Variants in C1QTNF6 observed in about 807,000 individuals in gnomAD.
The protein encoded by C1QTNF6 is C1q and TNF related 6, also known as complement C1q tumor necrosis factor-related protein 6.
In C1QTNF6, 17 loss-of-function variants were observed where a neutral mutation model predicts 20.7. That is an observed-to-expected ratio of 0.82 (90% CI 0.56 to 1.23). The LOEUF (loss-of-function observed/expected upper bound fraction) is 1.23, where lower values mean the gene tolerates loss of function less well. C1QTNF6 is among the 50% of genes most tolerant of loss of function. The pLI, the probability that C1QTNF6 is intolerant of heterozygous loss-of-function variation, is 0.00. For missense variants in C1QTNF6, 329 were observed against 389.7 expected, an observed-to-expected ratio of 0.84 and a Z score of 1.31; for synonymous variants, 130 against 156.3, an observed-to-expected ratio of 0.83 and a Z score of 1.25.
At position 37,184,602 on chromosome 22, in the gene C1QTNF6, C is replaced by T. The variant is rs1440191435; in HGVS notation, c.289+616G>A. Among the ~76,000 whole-genome samples the T allele has an allele frequency of 3.3e-5, 5 of 151,944 alleles. No homozygotes were observed. Among genetic ancestry groups the T allele is most frequent in the African/African-American group, 1.2e-4 (5 of 41,342 alleles). ...GCTGCATGCTCCGACCCTCGGCCCCCGCTGGTTGCTCTCCACATGACATTA... is the reference window on the plus strand; with the variant it reads ...GCTGCATGCTCCGACCCTCGGCCCCTGCTGGTTGCTCTCCACATGACATTA... On this transcript the variant is annotated intron_variant, in intron 2 of 2. Coordinates refer to ENST00000337843, the MANE Select transcript of C1QTNF6 (RefSeq NM_031910.4). This position sits in a 1 kb window ranked among gnomAD's most constrained non-coding sequence, Gnocchi z 4.0.
upstream of C1QTNF6, among the ~76,000 whole-genome samples, chr22:37,188,805 T>C (rs1308766241): frequency 6.6e-6 from 1 of 152,236 alleles, no homozygotes; most frequent in Admixed American, 6.5e-5. Flanking sequence ...GTTGGGTGAA[T>C]GACCAGGCTG....
chr22:37,186,061 A>G (rs765604799), intron 1 of C1QTNF6: 8 of 985,408 alleles, frequency 8.1e-6, no homozygotes, highest in Middle Eastern at 5.2e-4. Context: ...AAAAAAAGAG[A>G]TAAGAGAGTT....
chr22:37,184,736 G>C lies in C1QTNF6; in HGVS notation c.289+482C>G, dbSNP rs1040018643. Among the ~76,000 whole-genome samples the C allele has an allele frequency of 1.7e-4, 26 of 152,122 alleles. No individual in the cohort carries two copies. The highest frequency in any genetic ancestry group is 2.6e-4 in the Non-Finnish European group (18 of 68,000). On this transcript the variant is annotated intron_variant, in intron 2 of 2. Coordinates refer to ENST00000337843, the MANE Select transcript of C1QTNF6 (RefSeq NM_031910.4). This position sits in a 1 kb window ranked among gnomAD's most constrained non-coding sequence, Gnocchi z 4.0. The stretch of plus-strand genomic sequence containing the variant: ...CAAGTCCCTACAGTAGCCGGGTGGT[G>C]ACAGCACCCCATGTGATCTGAGCCT...
upstream of C1QTNF6, among the ~76,000 whole-genome samples, chr22:37,191,219 T>C (rs1252481305): frequency 6.6e-6 from 1 of 152,174 alleles, no homozygotes; most frequent in Non-Finnish European, 1.5e-5. Context: ...ATTAATATCA[T>C]TGACTAGGAA....
chr22:37,192,792 A>C (rs932391153), upstream of C1QTNF6, among the ~76,000 whole-genome samples: 2 of 152,232 alleles, frequency 1.3e-5, no homozygotes, highest in African/African-American at 2.4e-5. Flanking sequence ...ATATAAATAC[A>C]CAGACAGAAG....
intron 1 of C1QTNF6, 57 bp downstream of exon 1, chr22:37,188,106 G>C (rs111465350): frequency 1.3e-6 from 2 of 1,549,392 alleles, no homozygotes; most frequent in Admixed American, 3.7e-5. Flanking sequence ...GGAGGGAGGA[G>C]AGGAATTCCA....
chr22:37,185,454 A>C lies in C1QTNF6; in HGVS notation c.53T>G (p.Val18Gly). ...ACCCAGGGCGGCTGTCCCCATGGTGACCTGGAACAAGGAAGGAGGGACAGG... is the reference window on the plus strand; with the variant it reads ...ACCCAGGGCGGCTGTCCCCATGGTGCCCTGGAACAAGGAAGGAGGGACAGG... ...ESPGEATGHRVTMGTAALGPV... is the reference protein window; with the variant it reads ...ESPGEATGHRGTMGTAALGPV... Residue 18 changes from valine to glycine, a missense_variant and splice_region_variant, in exon 2 of 3, where the codon GTC (valine) becomes GGC (glycine). Coordinates refer to ENST00000337843, the MANE Select transcript of C1QTNF6 (RefSeq NM_031910.4). 1 of 1,595,474 alleles carries C rather than the reference A, an allele frequency of 6.3e-7. No homozygotes were observed. The highest frequency in any genetic ancestry group is 8.6e-7 in the Non-Finnish European group (1 of 1,169,146).
At chr22:37,194,586 C>T (rs1280089993) in intron 2 of C1QTNF6, among the ~76,000 whole-genome samples, 2 of 152,188 alleles carry the variant, frequency 1.3e-5, no homozygotes, top group South Asian at 2.1e-4. Flanking sequence ...AAAAGAAAAT[C>T]GTCTTTTTCC....
upstream of C1QTNF6, chr22:37,199,371 G>T (rs1030942164): frequency 5.2e-5 from 8 of 152,470 alleles, no homozygotes; most frequent in South Asian, 2.1e-4. Context: ...TGCCTCTCTG[G>T]CCCACCCGGG....
chr22:37,192,758 A>G (rs1230957441), upstream of C1QTNF6, among the ~76,000 whole-genome samples: 1 of 152,224 alleles, frequency 6.6e-6, no homozygotes, highest in Non-Finnish European at 1.5e-5. Flanking sequence ...GCTCTTTCAT[A>G]TATCAACATC....
Position 37,184,566 on chromosome 22 carries a change from GGCCCCACAGGGCTGCAT to G in C1QTNF6, c.289+635_289+651del. Reference sequence around the variant, plus strand: ...CACCTGGATGGCCCTCACCTGGACAGGCCCCACAGGGCTGCATGCTCCGACCCTCGGCCCCCGCTGGT... The same window carrying G: ...CACCTGGATGGCCCTCACCTGGACAGGCTCCGACCCTCGGCCCCCGCTGGT... On this transcript the variant is annotated intron_variant, in intron 2 of 2. Transcript: ENST00000337843. This position sits in a 1 kb window ranked among gnomAD's most constrained non-coding sequence, Gnocchi z 4.0. 2 of 680,862 alleles carry G rather than the reference GGCCCCACAGGGCTGCAT, an allele frequency of 2.9e-6. No individual in the cohort carries two copies. The highest frequency in any genetic ancestry group is 3.2e-5 in the South Asian group (2 of 63,320). 42.2% of individuals were successfully genotyped at this position (680,862 alleles called of 1,614,324 possible).
upstream of C1QTNF6, among the ~76,000 whole-genome samples, chr22:37,188,949 A>T (rs1924625642): frequency 6.6e-6 from 1 of 152,242 alleles, no homozygotes; most frequent in African/African-American, 2.4e-5. Context: ...TTATTAGAGA[A>T]GCAAAGAAAC....
chr22:37,186,410 AGAGT>A (rs1005404147), intron 1 of C1QTNF6, among the ~76,000 whole-genome samples: 4 of 152,182 alleles, frequency 2.6e-5, no homozygotes, highest in Non-Finnish European at 1.5e-5. Flanking sequence ...TTCTGTAGAG[AGAGT>A]TAGTTCATTG....
rs545799554 is a variant in C1QTNF6 at position 37,182,035 on chromosome 22, T to C, written c.*153A>G. ...AGGAGCAGAAATAGGCTGGGAGGGA[T>C]GATGGCAGCCAAGATAGAAGCAGGG... On this transcript the variant is annotated 3_prime_UTR_variant, in exon 3 of 3. Transcript: ENST00000337843. 8 of 775,024 alleles carry C rather than the reference T, an allele frequency of 1.0e-5. No individual in the cohort carries two copies. The African/African-American group carries it at 1.2e-4, about 12-fold the overall frequency. The allele number at this position is 775,024 out of a possible 1,614,324, so 48.0% of individuals were successfully genotyped here.
At chr22:37,182,775 G>A in intron 2 of C1QTNF6, 40 bp from the exon 3 acceptor site, 2 of 1,524,868 alleles carry the variant, frequency 1.3e-6, no homozygotes, top group African/African-American at 1.4e-5. Context: ...GTGGACATCT[G>A]AGCCTGCTCC....
At chr22:37,188,853 G>A (rs1302211085), upstream of C1QTNF6, among the ~76,000 whole-genome samples, 1 of 152,246 alleles carries the variant, frequency 6.6e-6, no homozygotes, top group East Asian at 1.9e-4. Context: ...CCAGAGAGGG[G>A]TACTGATCAG....
intron 1 of C1QTNF6, among the ~76,000 whole-genome samples, chr22:37,187,601 C>T (rs909085609): frequency 1.3e-5 from 2 of 150,366 alleles, no homozygotes; most frequent in African/African-American, 4.9e-5. Flanking sequence ...TGTGCTTTGA[C>T]TTCTTCCCTG....
At position 37,184,267 on chromosome 22, in the gene C1QTNF6, T is replaced by C. The variant is rs1924065610; in HGVS notation, c.289+951A>G. 7.2e-6 allele frequency: 5 copies of C among 693,126 alleles called. No individual in the cohort carries two copies. Among genetic ancestry groups the C allele is most frequent in the South Asian group, 4.7e-5 (3 of 63,956 alleles). The allele number at this position is 693,126 out of a possible 1,614,324, so 42.9% of individuals were successfully genotyped here. A position where few individuals can be genotyped will look rare whatever the true frequency, so the allele number is the denominator to read the frequency against. ...CAGGAACAAATCCTGGCTCCATCCC[T>C]GACAGCTGTGTGGCCCCAGGAGACT... On this transcript the variant is annotated intron_variant, in intron 2 of 2. Transcript: ENST00000337843. The surrounding 1 kb of genome is among the most constrained non-coding windows in gnomAD (Gnocchi z 4.0).
chr22:37,191,904 C>G (rs1215896953), upstream of C1QTNF6, among the ~76,000 whole-genome samples: 1 of 152,114 alleles, frequency 6.6e-6, no homozygotes, highest in Non-Finnish European at 1.5e-5. Flanking sequence ...AATGTTTGAC[C>G]ATGAGGTAAG....
Sources: allele counts gnomAD v4.1 joint callset (sites outside exome capture counted in the v4.1 genomes callset), GRCh38; gene constraint gnomAD v4.1.1; non-coding constraint Gnocchi (gnomAD v3.1); transcripts MANE v1.5; gene names NCBI Gene and HGNC (gene_info 2026-07-23, HGNC 2026-07-21).